Variants in MANBA observed in about 807,000 individuals in gnomAD.
MANBA encodes the protein beta-mannosidase.
MANBA carries 83 observed loss-of-function variants against 111.1 expected under a neutral mutation model. That is an observed-to-expected ratio of 0.75 (90% CI 0.63 to 0.90). MANBA has a LOEUF of 0.90. Among genes scored for constraint, MANBA ranks in the 40% least tolerant of loss-of-function variants. MANBA has a pLI of 0.00. For synonymous variants in MANBA, 370 were observed against 378.7 expected, an observed-to-expected ratio of 0.98 and a Z score of 0.27; for missense variants, 1,036 against 1,069.0, an observed-to-expected ratio of 0.97 and a Z score of 0.43.
intron 5 of MANBA, among the ~76,000 whole-genome samples, chr4:102,710,706 G>A (rs941300791): frequency 1.3e-5 from 2 of 151,846 alleles, no homozygotes; most frequent in South Asian, 2.1e-4. Flanking sequence ...AACAACCAAA[G>A]CAATCCTGAG....
intron 5 of MANBA, among the ~76,000 whole-genome samples, chr4:102,712,447 A>C (rs1283365306): frequency 6.6e-6 from 1 of 152,160 alleles, no homozygotes; most frequent in Non-Finnish European, 1.5e-5. Flanking sequence ...CCCAGAGCTT[A>C]TAATGCATTT....
chr4:102,756,282 T>C (rs1016678970), intron 1 of MANBA, among the ~76,000 whole-genome samples: 1 of 152,190 alleles, frequency 6.6e-6, no homozygotes, highest in Non-Finnish European at 1.5e-5. Context: ...CACCATGGAA[T>C]ACCTTGCAGC....
At chr4:102,728,867 C>T (rs1722914793) in intron 1 of MANBA, 1 of 812,700 alleles carries the variant, frequency 1.2e-6, no homozygotes, top group Non-Finnish European at 2.1e-6. Context: ...CACACCAGAG[C>T]CAAAGCTGGG....
At chr4:102,676,065 G>A (rs957755724) in intron 7 of MANBA, among the ~76,000 whole-genome samples, 1 of 152,152 alleles carries the variant, frequency 6.6e-6, no homozygotes, top group African/African-American at 2.4e-5. Context: ...ATATCAGACA[G>A]TCTTTTGACT....
intron 5 of MANBA, among the ~76,000 whole-genome samples, chr4:102,698,523 T>C (rs892142346): frequency 6.8e-6 from 1 of 146,776 alleles, no homozygotes; most frequent in African/African-American, 2.6e-5. Context: ...CATCTTGAAT[T>C]GATTTTTGTA....
intron 2 of MANBA, among the ~76,000 whole-genome samples, chr4:102,726,074 C>G (rs538214107): frequency 2.0e-5 from 3 of 151,632 alleles, no homozygotes; most frequent in African/African-American, 7.3e-5. Context: ...CCTTTTCCCC[C>G]CTTTAAAAGA....
intron 11 of MANBA, among the ~76,000 whole-genome samples, chr4:102,660,622 A>C (rs1006942108): frequency 6.6e-6 from 1 of 151,570 alleles, no homozygotes; most frequent in Non-Finnish European, 1.5e-5. Context: ...TGCCCAAAGA[A>C]TTTTTTAAAT....
Position 102,708,644 on chromosome 4 carries a change from A to AGAGC in MANBA, c.673+5793_673+5794insGCTC, listed in dbSNP as rs575538972. On this transcript the variant is annotated intron_variant, in intron 5 of 16. Transcript: ENST00000647097. ...CCAAAATTAGAAGAAGAAAAGTGAT[A>AGAGC]ATAATGATCAGAGCAGAACTCAATG... Among the ~76,000 whole-genome samples the AGAGC allele has an allele frequency of 2.9e-3, 435 of 152,208 alleles. 4 individuals carry two copies. Among genetic ancestry groups the AGAGC allele is most frequent in the African/African-American group, 0.01 (424 of 41,568 alleles).
At chr4:102,696,546 GA>G (rs1305610212) in intron 5 of MANBA, among the ~76,000 whole-genome samples, 1 of 152,164 alleles carries the variant, frequency 6.6e-6, no homozygotes, top group Non-Finnish European at 1.5e-5. Flanking sequence ...TCGCAGTTAA[GA>G]ATACAGGATG....
chr4:102,734,303 T>C, intron 1 of MANBA: 1 of 1,532,220 alleles, frequency 6.5e-7, no homozygotes, highest in African/African-American at 1.4e-5. Context: ...GCGTGAGAGT[T>C]GGCTCTGAAG....
At position 102,750,806 on chromosome 4, in the gene MANBA, G is replaced by C. The variant is rs141271022; in HGVS notation, c.177+9912C>G. 1.1e-3 allele frequency among the ~76,000 whole-genome samples: 165 copies of C among 152,164 alleles called. 1 individual carries two copies. The East Asian group carries it at 0.029, about 27-fold the overall frequency. On this transcript the variant is annotated intron_variant, in intron 1 of 16. Transcript: ENST00000647097. The stretch of plus-strand genomic sequence containing the variant: ...TGTGTACCTGTAGTCCTAGCTACTT[G>C]GGAGGCTGAGGTGGGAGGATAGCTT...
chr4:102,691,841 T>G (rs1286780434), intron 5 of MANBA, among the ~76,000 whole-genome samples: 4 of 152,156 alleles, frequency 2.6e-5, no homozygotes, highest in Admixed American at 2.6e-4. Flanking sequence ...GGTATCTAGC[T>G]GAGACCAGAA....
intron 8 of MANBA, among the ~76,000 whole-genome samples, chr4:102,672,418 C>A (rs745862147): frequency 7.2e-5 from 11 of 152,108 alleles, no homozygotes; most frequent in Non-Finnish European, 1.3e-4. Context: ...TTCCAAAGTT[C>A]TATTCCTTCA....
At chr4:102,747,173 A>ATATATATATATATATAT (rs1560812741) in intron 1 of MANBA, among the ~76,000 whole-genome samples, 6 of 151,506 alleles carry the variant, frequency 4.0e-5, no homozygotes, top group African/African-American at 1.2e-4. Context: ...ATATATATAT[A>ATATATATATATATATAT]AAGGGGAGTT....
intron 5 of MANBA, among the ~76,000 whole-genome samples, chr4:102,693,447 G>A (rs1732574127): frequency 6.6e-6 from 1 of 152,156 alleles, no homozygotes; most frequent in African/African-American, 2.4e-5. Flanking sequence ...GGAAGAAACA[G>A]ATATCCGTCT....
chr4:102,756,827 A>T (rs1724042624), intron 1 of MANBA, among the ~76,000 whole-genome samples: 1 of 146,896 alleles, frequency 6.8e-6, no homozygotes, highest in Non-Finnish European at 1.5e-5. Context: ...AAAAAGAAGC[A>T]GTTGCTTCAA....
At chr4:102,733,838 A>G (rs1723114746) in intron 1 of MANBA, among the ~76,000 whole-genome samples, 1 of 152,260 alleles carries the variant, frequency 6.6e-6, no homozygotes, top group South Asian at 2.1e-4. Flanking sequence ...TTCATGAATC[A>G]CAAATAAAAA....
intron 1 of MANBA, among the ~76,000 whole-genome samples, chr4:102,744,804 C>G (rs1578956517): frequency 1.3e-5 from 2 of 152,322 alleles, no homozygotes; most frequent in Admixed American, 1.3e-4. Flanking sequence ...GATGGTGGCA[C>G]TAATCTCCAC....
chr4:102,641,802 T>C (rs530705799), intron 13 of MANBA, among the ~76,000 whole-genome samples: 1 of 152,196 alleles, frequency 6.6e-6, no homozygotes, highest in Non-Finnish European at 1.5e-5. Flanking sequence ...AACTTATTAG[T>C]TCCTTAGAAT....
Sources: allele counts gnomAD v4.1 joint callset (sites outside exome capture counted in the v4.1 genomes callset), GRCh38; gene constraint gnomAD v4.1.1; transcripts MANE v1.5; gene names NCBI Gene and HGNC (gene_info 2026-07-23, HGNC 2026-07-21).